The following XPNPEP3 variants were observed in gnomAD, a reference collection of about 807,000 sequenced individuals.
The protein encoded by XPNPEP3 is X-prolyl aminopeptidase 3, also known as xaa-Pro aminopeptidase 3.
A neutral mutation model predicts 60.0 loss-of-function variants in XPNPEP3; 41 were observed. The ratio of observed to expected loss-of-function variants is 0.68; its 90% CI spans 0.53 to 0.89. XPNPEP3 has a LOEUF of 0.89. Ranked by LOEUF, XPNPEP3 falls within the 40% of genes least tolerant of loss-of-function variation. The pLI is 0.00. For synonymous variants in XPNPEP3, 212 were observed against 223.2 expected (o/e 0.95, Z 0.45); for missense variants, 598 against 638.9 (o/e 0.94, Z 0.69).
At chr22:40,883,502 G>A (rs2058056647) in intron 3 of XPNPEP3, among the ~76,000 whole-genome samples, 1 of 152,006 alleles carries the variant, frequency 6.6e-6, no homozygotes. Context: ...GGGACTACCT[G>A]GGCACACCAC....
chr22:40,914,300 C>G lies in XPNPEP3; in HGVS notation c.1031C>G (p.Thr344Arg). ...TCTTCCTGCTATGTGAGTGACATCACACGTACGTGGCCAGTCAATGGCAGG... is the reference window on the plus strand; with the variant it reads ...TCTTCCTGCTATGTGAGTGACATCAGACGTACGTGGCCAGTCAATGGCAGG... ...CESSCYVSDI[T>R]RTWPVNGRFT... The change falls in exon 7 of 10, where the codon ACA becomes AGA. Residue 344 changes from threonine to arginine, a missense_variant. By Grantham distance (71) the Thr-to-Arg change is moderately conservative (BLOSUM62 -1). Transcript: ENST00000357137. 2 of 1,614,038 alleles carry G rather than the reference C, an allele frequency of 1.2e-6. No individual in the cohort carries two copies. Among genetic ancestry groups the G allele is most frequent in the Non-Finnish European group, 1.7e-6 (2 of 1,179,994 alleles).
chr22:40,857,575 CTT>C (rs1403240655), intron 1 of XPNPEP3, among the ~76,000 whole-genome samples: 1 of 152,264 alleles, frequency 6.6e-6, no homozygotes, highest in Non-Finnish European at 1.5e-5. Flanking sequence ...TCAAGTAGCT[CTT>C]GTTTCTGTTA....
At chr22:40,903,325 A>G (rs1232458624) in intron 4 of XPNPEP3, among the ~76,000 whole-genome samples, 1 of 151,890 alleles carries the variant, frequency 6.6e-6, no homozygotes, top group Non-Finnish European at 1.5e-5. Context: ...ACCATTCCTC[A>G]TATGTTATAT....
Position 40,857,246 on chromosome 22 carries a change from G to A in XPNPEP3, c.64+1G>A. The A allele has an allele frequency of 6.2e-7, 1 of 1,614,148 alleles. No individual in the cohort carries two copies. Among genetic ancestry groups the A allele is most frequent in the Non-Finnish European group, 8.5e-7 (1 of 1,180,010 alleles). ...GTAGCAAACGTCCGCGGCCTCTCAGGTTAGACTCTTCTCCCACGGTCTCCT... is the reference window on the plus strand; with the variant it reads ...GTAGCAAACGTCCGCGGCCTCTCAGATTAGACTCTTCTCCCACGGTCTCCT... On this transcript the variant is annotated splice_donor_variant, in intron 1 of 9. Transcript: ENST00000357137. LOFTEE classifies it high-confidence loss of function.
chr22:40,860,921 CA>C, intron 1 of XPNPEP3: 2 of 824,296 alleles, frequency 2.4e-6, no homozygotes, highest in Non-Finnish European at 3.7e-6. Context: ...CATACCCATT[CA>C]AAAAAACTAC....
chr22:40,898,181 T>A (rs1461813989), intron 4 of XPNPEP3, among the ~76,000 whole-genome samples: 1 of 150,312 alleles, frequency 6.7e-6, no homozygotes, highest in Non-Finnish European at 1.5e-5. Flanking sequence ...TTCCCCTATG[T>A]TTTCTTCTAA....
intron 4 of XPNPEP3, among the ~76,000 whole-genome samples, chr22:40,897,100 C>T (rs759079104): frequency 1.4e-4 from 19 of 139,868 alleles, no homozygotes; most frequent in Non-Finnish European, 2.6e-4. Context: ...GGCGCAATCT[C>T]GGCTCACTGC....
At chr22:40,879,786 G>T (rs1208147904) in intron 2 of XPNPEP3, among the ~76,000 whole-genome samples, 1 of 152,140 alleles carries the variant, frequency 6.6e-6, no homozygotes, top group Non-Finnish European at 1.5e-5. Flanking sequence ...AGGGTGCAGT[G>T]AGGTGAGATC....
At chr22:40,864,697 A>G (rs1043185232) in intron 1 of XPNPEP3, among the ~76,000 whole-genome samples, 3 of 152,144 alleles carry the variant, frequency 2.0e-5, no homozygotes, top group African/African-American at 7.2e-5. Context: ...TGCCCGCCTC[A>G]GCCTCCCAAA....
intron 2 of XPNPEP3, 100 bp from the exon 3 acceptor site, chr22:40,881,670 T>A: frequency 7.2e-7 from 1 of 1,394,128 alleles, no homozygotes; most frequent in South Asian, 1.2e-5. Context: ...TTGGCATAAA[T>A]TGAACAATTG....
At chr22:40,866,883 G>T (rs1324680403) in intron 1 of XPNPEP3, among the ~76,000 whole-genome samples, 1 of 152,132 alleles carries the variant, frequency 6.6e-6, no homozygotes, top group Non-Finnish European at 1.5e-5. Context: ...AATATGCTAG[G>T]ATTATTTCAT....
chr22:40,922,784 A>G (rs921253835), intron 8 of XPNPEP3, among the ~76,000 whole-genome samples: 7 of 152,106 alleles, frequency 4.6e-5, no homozygotes, highest in Non-Finnish European at 8.8e-5. Context: ...ATATATACAT[A>G]CACACACAGG....
intron 4 of XPNPEP3, among the ~76,000 whole-genome samples, chr22:40,888,959 T>C (rs2058079100): frequency 6.6e-6 from 1 of 152,222 alleles, no homozygotes; most frequent in African/African-American, 2.4e-5. Flanking sequence ...ATTTCCCTAA[T>C]GATTAGTGGT....
intron 3 of XPNPEP3, among the ~76,000 whole-genome samples, chr22:40,884,823 C>T (rs754224717): frequency 2.0e-4 from 30 of 151,276 alleles, no homozygotes; most frequent in Non-Finnish European, 3.8e-4. Context: ...ATCAGGAGTT[C>T]GAGACCAGTC....
intron 4 of XPNPEP3, among the ~76,000 whole-genome samples, chr22:40,906,563 A>G (rs746290502): frequency 6.6e-6 from 1 of 152,174 alleles, no homozygotes; most frequent in Non-Finnish European, 1.5e-5. Context: ...TGTTGTCACA[A>G]TTGGGAATGC....
intron 2 of XPNPEP3, among the ~76,000 whole-genome samples, chr22:40,869,440 T>A (rs995219532): frequency 6.6e-6 from 1 of 152,234 alleles, no homozygotes; most frequent in Non-Finnish European, 1.5e-5. Context: ...TTCAGGATGT[T>A]TTTAAAGCAA....
intron 3 of XPNPEP3, among the ~76,000 whole-genome samples, chr22:40,885,989 A>AAG (rs963646660): frequency 3.3e-5 from 5 of 150,846 alleles, no homozygotes; most frequent in South Asian, 4.4e-4. Flanking sequence ...CTCAAAAATA[A>AAG]AGAGAGAGAG....
chr22:40,897,153 G>C (rs1468297334), intron 4 of XPNPEP3, among the ~76,000 whole-genome samples: 1 of 149,490 alleles, frequency 6.7e-6, no homozygotes, highest in Admixed American at 6.8e-5. Flanking sequence ...TCAGCCTCCT[G>C]AGTAGCTGGG....
At chr22:40,890,717 A>T (rs1442065759) in intron 4 of XPNPEP3, among the ~76,000 whole-genome samples, 1 of 152,018 alleles carries the variant, frequency 6.6e-6, no homozygotes, top group Non-Finnish European at 1.5e-5. Flanking sequence ...ATATAAAAAA[A>T]TTAGCTGGGC....
Sources: gnomAD v4.1 joint callset for allele counts (sites outside exome capture counted in the v4.1 genomes callset) on GRCh38, gnomAD v4.1.1 for gene constraint, MANE v1.5 for transcripts, NCBI Gene and HGNC (gene_info 2026-07-23, HGNC 2026-07-21) for gene names.